Variants in RIMBP2 observed in about 807,000 individuals in gnomAD.
The protein encoded by RIMBP2 is RIMS binding protein 2.
In RIMBP2, 48 loss-of-function variants were observed where a neutral mutation model predicts 118.6. The observed-to-expected ratio is 0.40, with a 90% CI of 0.32 to 0.51. RIMBP2 has a LOEUF of 0.51. Ranked by LOEUF, RIMBP2 falls within the 20% of genes least tolerant of loss-of-function variation. The pLI is 0.41. For synonymous variants in RIMBP2, 762 were observed against 742.9 expected, an observed-to-expected ratio of 1.03 and a Z score of -0.42; for missense variants, 1,551 against 1,768.3, an observed-to-expected ratio of 0.88 and a Z score of 2.20.
intron 2 of RIMBP2, among the ~76,000 whole-genome samples, chr12:130,606,319 ACC>A (rs1397062782): frequency 6.6e-6 from 1 of 152,204 alleles, no homozygotes; most frequent in Non-Finnish European, 1.5e-5. Flanking sequence ...TCCTGGGATT[ACC>A]CCCTCTCACT....
At chr12:130,493,654 T>C (rs2048858282) in intron 4 of RIMBP2, among the ~76,000 whole-genome samples, 1 of 152,282 alleles carries the variant, frequency 6.6e-6, no homozygotes, top group African/African-American at 2.4e-5. Flanking sequence ...TGCTGTTCTG[T>C]ATGTTTTTAT....
chr12:130,484,176 T>TG (rs1238073789), intron 4 of RIMBP2, among the ~76,000 whole-genome samples: 1 of 152,182 alleles, frequency 6.6e-6, no homozygotes, highest in Admixed American at 6.5e-5. Context: ...GCATCCCAGC[T>TG]GAAAGCCCCT....
chr12:130,625,937 T>C (rs1368133509), intron 2 of RIMBP2, among the ~76,000 whole-genome samples: 2 of 152,208 alleles, frequency 1.3e-5, no homozygotes, highest in East Asian at 3.8e-4. Context: ...AACACACTCT[T>C]TGAAAGTGTT....
At position 130,710,458 on chromosome 12, in the gene RIMBP2, A is replaced by ATACACACACACACG. The variant is rs1491457026; in HGVS notation, c.-352+5750_-352+5763dup. Among the ~76,000 whole-genome samples, 1 of 151,946 alleles carries ATACACACACACACG rather than the reference A, an allele frequency of 6.6e-6. No homozygotes were observed. Among genetic ancestry groups the ATACACACACACACG allele is most frequent in the Non-Finnish European group, 1.5e-5 (1 of 68,008 alleles). ...CATACACGCAGGCGCACACACACAC[A>ATACACACACACACG]TACACACACACACGTACACACACAC... On this transcript the variant is annotated intron_variant, in intron 1 of 22. Transcript: ENST00000690449. This position sits in a 1 kb window ranked among gnomAD's most constrained non-coding sequence, Gnocchi z 4.3.
chr12:130,671,624 A>T (rs939913817), intron 1 of RIMBP2, among the ~76,000 whole-genome samples: 1 of 152,102 alleles, frequency 6.6e-6, no homozygotes, highest in Non-Finnish European at 1.5e-5. Flanking sequence ...GGGCTGCCTC[A>T]TCTGTTGCAC....
At chr12:130,694,147 T>C (rs956255210) in intron 1 of RIMBP2, among the ~76,000 whole-genome samples, 3 of 152,206 alleles carry the variant, frequency 2.0e-5, no homozygotes, top group Admixed American at 6.5e-5. Flanking sequence ...GGGTGGTGAA[T>C]GCCAGCTGTG....
intron 22 of RIMBP2, chr12:130,399,205 A>T (rs766007808): frequency 5.3e-5 from 59 of 1,122,978 alleles, no homozygotes; most frequent in Admixed American, 6.9e-5. Context: ...TATATATATA[A>T]AAATATAATA....
intron 1 of RIMBP2, among the ~76,000 whole-genome samples, chr12:130,655,822 C>T (rs954813182): frequency 1.3e-5 from 2 of 152,190 alleles, no homozygotes; most frequent in Non-Finnish European, 2.9e-5. Flanking sequence ...AAGGGAGGGA[C>T]GTTGGCTTCA....
Position 130,620,607 on chromosome 12 carries a change from G to A in RIMBP2, c.-217+7715C>T, listed in dbSNP as rs11837332. 0.037 allele frequency among the ~76,000 whole-genome samples: 5,700 copies of A among 152,202 alleles called. 341 individuals are homozygous for A. The highest frequency in any genetic ancestry group is 0.13 in the African/African-American group (5,319 of 41,508). On this transcript the variant is annotated intron_variant, in intron 2 of 22. Transcript: ENST00000690449. This position sits in a 1 kb window ranked among gnomAD's most constrained non-coding sequence, Gnocchi z 5.3. ...CTCAGGTCACAGGCAGGCTCTGCCC[G>A]TGCCTGTCCCCGGCTTCTGTGGTGG...
chr12:130,414,625 TG>T, intron 17 of RIMBP2: 1 of 229,962 alleles, frequency 4.3e-6, no homozygotes. Flanking sequence ...TGGCCCATGC[TG>T]GGGAGCCTTC....
chr12:130,650,227 C>T (rs1417800158), intron 1 of RIMBP2, among the ~76,000 whole-genome samples: 7 of 152,216 alleles, frequency 4.6e-5, no homozygotes, highest in African/African-American at 1.7e-4. Context: ...TCATGTGCAG[C>T]GTGGTCCCTG....
chr12:130,624,139 C>T (rs780307454), intron 2 of RIMBP2, among the ~76,000 whole-genome samples: 4 of 152,174 alleles, frequency 2.6e-5, no homozygotes, highest in Non-Finnish European at 4.4e-5. Context: ...CCAATGTACT[C>T]ATAGGAAATA....
intron 1 of RIMBP2, among the ~76,000 whole-genome samples, chr12:130,685,468 G>A (rs1396215013): frequency 1.3e-5 from 2 of 152,302 alleles, no homozygotes; most frequent in East Asian, 3.9e-4. Flanking sequence ...GAAGACGACT[G>A]GGCAGGCGCC....
intron 1 of RIMBP2, among the ~76,000 whole-genome samples, chr12:130,697,833 A>G (rs2065646995): frequency 6.6e-6 from 1 of 152,236 alleles, no homozygotes; most frequent in Non-Finnish European, 1.5e-5. Context: ...TTAAAAAAAC[A>G]AAAATAAAAG....
At position 130,543,258 on chromosome 12, in the gene RIMBP2, T is replaced by C. The variant is rs1424909714; in HGVS notation, c.-216-25341A>G. Among the ~76,000 whole-genome samples the C allele has an allele frequency of 2.0e-5, 3 of 152,306 alleles. No individual in the cohort carries two copies. The East Asian group carries it at 5.8e-4, about 29-fold the overall frequency. ...TTGATTTTATAGGCAAAATCCCCATTATCTTACTATTTGAATTGGTTTGTA... is the reference window on the plus strand; with the variant it reads ...TTGATTTTATAGGCAAAATCCCCATCATCTTACTATTTGAATTGGTTTGTA... On this transcript the variant is annotated intron_variant, in intron 2 of 22. Coordinates refer to ENST00000690449, the MANE Select transcript of RIMBP2 (RefSeq NM_001393629.1).
At chr12:130,697,591 G>A (rs999959324) in intron 1 of RIMBP2, among the ~76,000 whole-genome samples, 2 of 152,156 alleles carry the variant, frequency 1.3e-5, no homozygotes, top group African/African-American at 4.8e-5. Context: ...AGAAGTTCAG[G>A]GAGGAATATT....
intron 6 of RIMBP2, chr12:130,466,401 A>C (rs1393723940): frequency 6.6e-6 from 1 of 152,176 alleles, no homozygotes; most frequent in Non-Finnish European, 1.5e-5. Flanking sequence ...GGACCTCAGG[A>C]CTTCACGCAG....
chr12:130,545,654 C>T (rs925357926), intron 2 of RIMBP2, among the ~76,000 whole-genome samples: 3 of 152,108 alleles, frequency 2.0e-5, no homozygotes, highest in Non-Finnish European at 2.9e-5. Flanking sequence ...GTAACATGAC[C>T]GAGGAACGAG....
At position 130,402,232 on chromosome 12, in the gene RIMBP2, A is replaced by C. The variant is rs189537623; in HGVS notation, c.3766-2419T>G. Among the ~76,000 whole-genome samples, 7 of 152,300 alleles carry C rather than the reference A, an allele frequency of 4.6e-5. No individual in the cohort carries two copies. In the East Asian group the frequency reaches 1.4e-3, roughly 29 times the overall value. ...AGTTCCGTTCTGTTTGGAGAGGCTC[A>C]GAGGTCCTGTTCACACCCCTCAAGC... On this transcript the variant is annotated intron_variant, in intron 21 of 22. Transcript: ENST00000690449.
Sources: allele counts gnomAD v4.1 joint callset (sites outside exome capture counted in the v4.1 genomes callset), GRCh38; gene constraint gnomAD v4.1.1; non-coding constraint Gnocchi (gnomAD v3.1); transcripts MANE v1.5; gene names NCBI Gene and HGNC (gene_info 2026-07-23, HGNC 2026-07-21).